The following WDR11 variants were observed in gnomAD, a reference collection of about 807,000 sequenced individuals.
WDR11 encodes WD repeat-containing protein 11.
Under a neutral mutation model 151.2 loss-of-function variants are expected in WDR11, and 83 were observed. That is an observed-to-expected ratio of 0.55 (90% CI 0.46 to 0.66). The LOEUF is 0.66. WDR11 is among the 30% of genes least tolerant of loss of function. The pLI is 0.00. For synonymous variants in WDR11, 484 were observed against 533.1 expected (o/e 0.91, Z 1.27); for missense variants, 1,301 against 1,480.9 (o/e 0.88, Z 1.99).
intron 12 of WDR11, chr10:120,880,179 G>A (rs925505807): frequency 6.6e-6 from 1 of 152,060 alleles, no homozygotes; most frequent in African/African-American, 2.4e-5. Flanking sequence ...GACAATTGCT[G>A]TACCATAAAT....
chr10:120,890,103 A>C, intron 18 of WDR11, 94 bp downstream of exon 18: 1 of 859,930 alleles, frequency 1.2e-6, no homozygotes. Context: ...AGAAATGAAA[A>C]GTACTTAATG....
chr10:120,879,907 T>C (rs1846938657), intron 12 of WDR11: 1 of 152,250 alleles, frequency 6.6e-6, no homozygotes, highest in Non-Finnish European at 1.5e-5. Flanking sequence ...TTATACTTTT[T>C]TTATTCACAG....
Position 120,860,427 on chromosome 10 carries a change from T to C in WDR11, c.526+145T>C, listed in dbSNP as rs1057045856. 7 of 914,784 alleles carry C rather than the reference T, an allele frequency of 7.7e-6. No homozygotes were observed. The African/African-American group carries it at 1.2e-4, about 15-fold the overall frequency. 56.7% of individuals were successfully genotyped at this position (914,784 alleles called of 1,614,324 possible). On this transcript the variant is annotated intron_variant, in intron 4 of 28. Transcript: ENST00000263461. ...TGGAGAAGCATGTCTAGTCCATATA[T>C]CTGCAGCTCCTAATACACATACTCA...
chr10:120,875,569 A>T (rs188318165), intron 11 of WDR11, among the ~76,000 whole-genome samples: 1 of 152,294 alleles, frequency 6.6e-6, no homozygotes, highest in Non-Finnish European at 1.5e-5. Flanking sequence ...CAATGGCGCG[A>T]TCTCAGCTCA....
intron 8 of WDR11, 33 bp from the exon 9 acceptor site, chr10:120,867,033 A>C: frequency 6.5e-7 from 1 of 1,531,982 alleles, no homozygotes; most frequent in Non-Finnish European, 9.0e-7. Context: ...GATTTTAAGT[A>C]TGTAAAACCT....
intron 11 of WDR11, among the ~76,000 whole-genome samples, chr10:120,876,789 A>G (rs1363618845): frequency 6.6e-6 from 1 of 152,188 alleles, no homozygotes; most frequent in Non-Finnish European, 1.5e-5. Flanking sequence ...TCCCCACTAC[A>G]ATCGTATGGG....
In WDR11 at chr10:120,871,313, A is replaced by G. The variant is rs1204100448; in HGVS notation, c.1438A>G (p.Asn480Asp). ...IRMCPPLTTKNIKMYQPLLAV... is the reference protein window; with the variant it reads ...IRMCPPLTTKDIKMYQPLLAV... ...TATGTGTCCACCGTTGACCACAAAA[A>G]ACATCAAGATGTATCAGCCACTGCT... The change falls in exon 10 of 29, where the codon AAC becomes GAC. Residue 480 changes from asparagine to aspartate, a missense_variant. Physicochemically the swap from Asn to Asp is conservative, Grantham distance 23. Coordinates refer to ENST00000263461, the MANE Select transcript of WDR11 (RefSeq NM_018117.12). The G allele has an allele frequency of 1.9e-6, 3 of 1,613,942 alleles. No individual in the cohort carries two copies. The highest frequency in any genetic ancestry group is 2.5e-6 in the Non-Finnish European group (3 of 1,179,996).
intron 2 of WDR11, among the ~76,000 whole-genome samples, chr10:120,857,174 G>T (rs1845976951): frequency 6.6e-6 from 1 of 152,070 alleles, no homozygotes; most frequent in African/African-American, 2.4e-5. Context: ...TTTAAACAGT[G>T]AAGTCACCAG....
At chr10:120,897,479 T>C (rs1303843594) in intron 19 of WDR11, among the ~76,000 whole-genome samples, 1 of 152,194 alleles carries the variant, frequency 6.6e-6, no homozygotes, top group Non-Finnish European at 1.5e-5. Flanking sequence ...GAATACCCCT[T>C]ATCTAGATGA....
At position 120,908,540 on chromosome 10, in the gene WDR11, C is replaced by T. The variant is rs1039277942; in HGVS notation, c.3518-16C>T. On this transcript the variant is annotated splice_polypyrimidine_tract_variant and intron_variant, in intron 28 of 28. Transcript: ENST00000263461. ...CACAGCCCTTTTTACTCTTCTTTTC[C>T]TTAACTATGGTTTACAGAAACTCAT... 4 of 1,613,940 alleles carry T rather than the reference C, an allele frequency of 2.5e-6. No individual in the cohort carries two copies. The highest frequency in any genetic ancestry group is 1.7e-5 in the Admixed American group (1 of 59,988).
intron 10 of WDR11, among the ~76,000 whole-genome samples, chr10:120,871,997 C>A (rs76582749): frequency 1.3e-5 from 2 of 152,288 alleles, no homozygotes; most frequent in East Asian, 1.9e-4. Context: ...TATTAAAATA[C>A]ATTTCTCCAA....
Position 120,869,079 on chromosome 10 carries a change from T to C in WDR11, c.1294+1910T>C, listed in dbSNP as rs143537788. Among the ~76,000 whole-genome samples, 228 of 151,370 alleles carry C rather than the reference T, an allele frequency of 1.5e-3. 1 individual carries two copies. Among genetic ancestry groups the C allele is most frequent in the African/African-American group, 5.2e-3 (214 of 41,326 alleles). On this transcript the variant is annotated intron_variant, in intron 9 of 28. Transcript: ENST00000263461. ...TAGGAGTTTGAAATTTTATGCTGTTTAGGTATCTAAGTGATATAAATTACA... is the reference window on the plus strand; with the variant it reads ...TAGGAGTTTGAAATTTTATGCTGTTCAGGTATCTAAGTGATATAAATTACA...
intron 19 of WDR11, among the ~76,000 whole-genome samples, chr10:120,893,785 ATG>A (rs1337273736): frequency 1.7e-4 from 26 of 151,742 alleles, no homozygotes; most frequent in African/African-American, 6.1e-4. Flanking sequence ...GCATTTTTTC[ATG>A]TGTTTTTTGG....
intron 24 of WDR11, 149 bp from the exon 25 acceptor site, chr10:120,904,497 C>T: frequency 1.0e-6 from 1 of 978,534 alleles, no homozygotes; most frequent in South Asian, 1.6e-5. Flanking sequence ...AGTGTAGCAC[C>T]TCTGTTTAAT....
At chr10:120,887,300 C>G (rs548387548) in intron 16 of WDR11, among the ~76,000 whole-genome samples, 1 of 152,232 alleles carries the variant, frequency 6.6e-6, no homozygotes, top group South Asian at 2.1e-4. Context: ...TTAACATTTA[C>G]TAACTTACAT....
At chr10:120,874,848 G>A (rs541862483) in intron 11 of WDR11, among the ~76,000 whole-genome samples, 2 of 150,856 alleles carry the variant, frequency 1.3e-5, no homozygotes, top group South Asian at 4.2e-4. Context: ...TGCAGAATGT[G>A]CAGGTTTGTT....
At chr10:120,887,534 A>G (rs754579370) in intron 16 of WDR11, among the ~76,000 whole-genome samples, 6 of 152,130 alleles carry the variant, frequency 3.9e-5, no homozygotes, top group Non-Finnish European at 8.8e-5. Context: ...TAGAATGCCA[A>G]CCCCCATAAT....
In WDR11 at chr10:120,902,386, G is replaced by A. The variant is rs543776699; in HGVS notation, c.2753+64G>A. The A allele has an allele frequency of 2.0e-5, 29 of 1,432,728 alleles. No homozygotes were observed. The East Asian group carries it at 6.4e-4, about 32-fold the overall frequency. The allele number at this position is 1,432,728 out of a possible 1,614,324, so 88.8% of individuals were successfully genotyped here. On this transcript the variant is annotated intron_variant, in intron 22 of 28. Coordinates refer to ENST00000263461, the MANE Select transcript of WDR11 (RefSeq NM_018117.12). ...TTCAAGTTAACTCATTTCTTTTAAG[G>A]GTTTTTAGTTAGAAACACTTAGATT...
chr10:120,865,444 A>G (rs182938821), intron 6 of WDR11, among the ~76,000 whole-genome samples, 186 bp from the exon 7 acceptor site: 44 of 152,288 alleles, frequency 2.9e-4, no homozygotes, highest in African/African-American at 1.0e-3. Context: ...TTTAAGTCAC[A>G]TGGGTAAAGA....
Sources: gnomAD v4.1 joint callset for allele counts (sites outside exome capture counted in the v4.1 genomes callset) on GRCh38, gnomAD v4.1.1 for gene constraint, MANE v1.5 for transcripts, NCBI Gene and HGNC (gene_info 2026-07-23, HGNC 2026-07-21) for gene names.